Variants in ERC2 observed in about 807,000 individuals in gnomAD.
The protein encoded by ERC2 is ELKS/RAB6-interacting/CAST family member 2, also known as ERC protein 2.
In ERC2, 42 loss-of-function variants were observed where a neutral mutation model predicts 114.8. The ratio of observed to expected loss-of-function variants is 0.37; its 90% CI spans 0.29 to 0.47. The LOEUF is 0.47. Ranked by LOEUF, ERC2 falls within the 20% of genes least tolerant of loss-of-function variation. ERC2 has a pLI of 0.99. For missense variants in ERC2, 939 were observed against 1,150.7 expected (o/e 0.82, Z 2.66); for synonymous variants, 454 against 425.5 (o/e 1.07, Z -0.82).
At chr3:56,250,607 C>CAT (rs35609749) in intron 3 of ERC2, among the ~76,000 whole-genome samples, 2,205 of 152,310 alleles carry the variant, frequency 0.014, 46 homozygotes, top group Non-Finnish European at 0.014. Context: ...ACCCACTCCA[C>CAT]ATACGCACAC....
intron 15 of ERC2, among the ~76,000 whole-genome samples, chr3:55,734,203 A>AT (rs904254511): frequency 6.6e-6 from 1 of 152,148 alleles, no homozygotes; most frequent in Non-Finnish European, 1.5e-5. Flanking sequence ...CAAACAGGTG[A>AT]TTTTTTAAAA....
At chr3:56,292,233 C>G (rs2055133379) in intron 3 of ERC2, among the ~76,000 whole-genome samples, 1 of 152,018 alleles carries the variant, frequency 6.6e-6, no homozygotes. Flanking sequence ...TAACACATAT[C>G]AACAGCCCAC....
intron 17 of ERC2, among the ~76,000 whole-genome samples, chr3:55,643,655 A>C (rs2060277988): frequency 6.6e-6 from 1 of 152,200 alleles, no homozygotes; most frequent in African/African-American, 2.4e-5. Flanking sequence ...CATTCAATAG[A>C]GTTTCTGGCA....
chr3:56,156,902 T>C (rs1309820062), intron 4 of ERC2, among the ~76,000 whole-genome samples: 1 of 152,102 alleles, frequency 6.6e-6, no homozygotes, highest in African/African-American at 2.4e-5. Context: ...AAATCCATAT[T>C]TATTTGTAAG....
intron 4 of ERC2, among the ~76,000 whole-genome samples, chr3:56,160,647 C>G (rs2149987824): frequency 6.6e-6 from 1 of 152,158 alleles, no homozygotes; most frequent in African/African-American, 2.4e-5. Context: ...TTGAATTAAG[C>G]TTTATACATA....
chr3:55,553,823 C>T (rs1255330665), intron 17 of ERC2, among the ~76,000 whole-genome samples: 8 of 151,964 alleles, frequency 5.3e-5, no homozygotes, highest in Non-Finnish European at 1.2e-4. Context: ...GCCTCACAGC[C>T]AAGCATCGGC....
At chr3:56,021,786 T>C (rs1244226662) in intron 7 of ERC2, among the ~76,000 whole-genome samples, 3 of 152,228 alleles carry the variant, frequency 2.0e-5, no homozygotes, top group Non-Finnish European at 2.9e-5. Context: ...TAAGTTCTTA[T>C]CATTTAGCTC....
At chr3:55,969,305 T>C (rs367634111) in intron 12 of ERC2, among the ~76,000 whole-genome samples, 1 of 151,792 alleles carries the variant, frequency 6.6e-6, no homozygotes, top group East Asian at 1.9e-4. Context: ...GAAAGAGAGA[T>C]CATGTGCTAT....
chr3:56,100,081 G>A (rs1259429861), intron 6 of ERC2, among the ~76,000 whole-genome samples: 1 of 152,174 alleles, frequency 6.6e-6, no homozygotes, highest in African/African-American at 2.4e-5. Flanking sequence ...AATGCTCTGA[G>A]AAGTCCAGTT....
At chr3:55,840,877 C>T (rs1483888826) in intron 14 of ERC2, among the ~76,000 whole-genome samples, 6 of 151,980 alleles carry the variant, frequency 3.9e-5, no homozygotes, top group African/African-American at 7.3e-5. Context: ...ATTCCATTTA[C>T]GTAAAATTCT....
rs59209006 is a variant in ERC2 at position 55,799,450 on chromosome 3, C to CATATAT, written c.2565-64538_2565-64533dup. Among the ~76,000 whole-genome samples the CATATAT allele has an allele frequency of 1.7e-3, 178 of 106,174 alleles. 1 individual carries two copies. Among genetic ancestry groups the CATATAT allele is most frequent in the Middle Eastern group, 0.015 (3 of 204 alleles). The allele number at this position is 106,174 out of a possible 152,430, so 69.7% of individuals were successfully genotyped here. ...TATATATATGCCTTATATATATATG[C>CATATAT]ATATATATATATATATATATATATG... is the stretch of plus-strand genomic sequence containing the variant. On this transcript the variant is annotated intron_variant, in intron 14 of 17. Transcript: ENST00000288221.
At chr3:56,253,890 G>A (rs576684809) in intron 3 of ERC2, among the ~76,000 whole-genome samples, 1 of 152,254 alleles carries the variant, frequency 6.6e-6, no homozygotes, top group South Asian at 2.1e-4. Flanking sequence ...GGCTACAGAG[G>A]AAGATCTTGT....
At chr3:55,963,851 T>C (rs543990247) in intron 12 of ERC2, among the ~76,000 whole-genome samples, 26 of 152,222 alleles carry the variant, frequency 1.7e-4, no homozygotes, top group African/African-American at 6.3e-4. Context: ...TGGCCAGAGG[T>C]TGAGGGCGAT....
At chr3:56,018,471 C>G (rs1047507318) in intron 8 of ERC2, among the ~76,000 whole-genome samples, 1 of 151,964 alleles carries the variant, frequency 6.6e-6, no homozygotes, top group African/African-American at 2.4e-5. Flanking sequence ...AGAAGCCCCA[C>G]ATAACTAGGG....
At chr3:56,137,589 T>C (rs112813370) in intron 6 of ERC2, among the ~76,000 whole-genome samples, 338 of 152,358 alleles carry the variant, frequency 2.2e-3, no homozygotes, top group African/African-American at 7.8e-3. Context: ...TCTGCTGTTG[T>C]AGCACAAAAG....
chr3:55,610,506 A>ACACACACACACACAC (rs2058858984), intron 17 of ERC2: 1 of 137,238 alleles, frequency 7.3e-6, no homozygotes, highest in Non-Finnish European at 1.5e-5. Flanking sequence ...TCTACGGAAA[A>ACACACACACACACAC]ACACACACAC....
chr3:56,028,280 G>C (rs1043146823), intron 7 of ERC2, among the ~76,000 whole-genome samples: 3 of 151,946 alleles, frequency 2.0e-5, no homozygotes, highest in African/African-American at 7.2e-5. Flanking sequence ...TTAGTTATTC[G>C]GGGGGTTATG....
chr3:55,629,435 A>T (rs1269697573), intron 17 of ERC2, among the ~76,000 whole-genome samples: 2 of 152,228 alleles, frequency 1.3e-5, no homozygotes, highest in Non-Finnish European at 2.9e-5. Context: ...ATGTTAGGTA[A>T]AGTTAGCTTA....
chr3:56,348,957 AAAGAAAGAAAGAAG>A (rs1433397398), intron 2 of ERC2, among the ~76,000 whole-genome samples: 13 of 136,246 alleles, frequency 9.5e-5, no homozygotes, highest in South Asian at 2.5e-4. Context: ...GGAAGGAAGG[AAAGAAAGAAAGAAG>A]GAAAGAAAGA....
Sources: allele counts gnomAD v4.1 joint callset (sites outside exome capture counted in the v4.1 genomes callset), GRCh38; gene constraint gnomAD v4.1.1; transcripts MANE v1.5; gene names NCBI Gene and HGNC (gene_info 2026-07-23, HGNC 2026-07-21).